The following INTS7 variants were observed in gnomAD, a reference collection of about 807,000 sequenced individuals.
INTS7 encodes chromosome 1 open reading frame 73.
In INTS7, 46 loss-of-function variants were observed where a neutral mutation model predicts 109.2. The observed-to-expected ratio is 0.42, with a 90% CI of 0.33 to 0.54. The LOEUF (loss-of-function observed/expected upper bound fraction) is 0.54, where lower values mean the gene tolerates loss of function less well. Among genes scored for constraint, INTS7 ranks in the 20% least tolerant of loss-of-function variants. The probability of loss-of-function intolerance (pLI) is 0.07; values close to 1 mark genes in which losing one functional copy is unlikely to be tolerated. For missense variants in INTS7, 929 were observed against 1,132.4 expected, an observed-to-expected ratio of 0.82 and a Z score of 2.58; for synonymous variants, 412 against 402.9, an observed-to-expected ratio of 1.02 and a Z score of -0.27.
chr1:211,950,354 C>T (rs1558021722), intron 17 of INTS7, among the ~76,000 whole-genome samples: 1 of 152,178 alleles, frequency 6.6e-6, no homozygotes, highest in African/African-American at 2.4e-5. Context: ...TCACTGCAAC[C>T]TCCGCCTCCC....
chr1:212,027,741 A>G (rs990253129), intron 1 of INTS7, among the ~76,000 whole-genome samples: 3 of 152,212 alleles, frequency 2.0e-5, no homozygotes, highest in African/African-American at 7.2e-5. Flanking sequence ...AAAAATATCT[A>G]TGCTATGGGT....
rs1248777117 is a variant in INTS7, at chr1:212,015,743, A to T, written c.509+1143T>A. On this transcript the variant is annotated intron_variant, in intron 4 of 19. Coordinates refer to ENST00000366994, the MANE Select transcript of INTS7 (RefSeq NM_015434.4). ...AAAAAAAAAAAAAAAAAAAAAAAAAAGTTAACTTTTCAGGATTCAAAAAAT... is the reference window on the plus strand; with the variant it reads ...AAAAAAAAAAAAAAAAAAAAAAAAATGTTAACTTTTCAGGATTCAAAAAAT... Among the ~76,000 whole-genome samples, 6 of 98,954 alleles carry T rather than the reference A, an allele frequency of 6.1e-5. No individual in the cohort carries two copies. In the South Asian group the frequency reaches 2.0e-3, roughly 33 times the overall value. The allele number at this position is 98,954 out of a possible 152,430, so 64.9% of individuals were successfully genotyped here.
At chr1:211,974,272 A>ATATAT (rs1553249472) in intron 13 of INTS7, among the ~76,000 whole-genome samples, 3,933 of 60,836 alleles carry the variant, frequency 0.065, 88 homozygotes, top group Non-Finnish European at 0.08. Context: ...TCCCAGAAAA[A>ATATAT]AAAAATATAT....
intron 8 of INTS7, among the ~76,000 whole-genome samples, chr1:211,987,251 C>G (rs1405343075): frequency 2.0e-5 from 3 of 151,904 alleles, no homozygotes; most frequent in African/African-American, 7.3e-5. Flanking sequence ...AAGCCAAGAT[C>G]CCCCCACTGC....
chr1:211,991,147 A>G (rs1462730108), intron 7 of INTS7, among the ~76,000 whole-genome samples: 1 of 152,252 alleles, frequency 6.6e-6, no homozygotes, highest in African/African-American at 2.4e-5. Flanking sequence ...TCTAGTAACC[A>G]GATTCCATTT....
chr1:212,009,788 G>A (rs532503586), intron 5 of INTS7, among the ~76,000 whole-genome samples: 3 of 152,222 alleles, frequency 2.0e-5, no homozygotes, highest in African/African-American at 7.2e-5. Flanking sequence ...CAATGAATAA[G>A]TGATGCTTCC....
In INTS7 at chr1:211,941,953, A is replaced by C. The variant is rs1178584058; in HGVS notation, c.2760T>G (p.Thr920=). 1 of 1,614,124 alleles carries C rather than the reference A, an allele frequency of 6.2e-7. No homozygotes were observed. Residue 920 remains threonine (T), a synonymous_variant, in exon 20 of 20, where the codon ACT becomes ACG. Transcript: ENST00000366994. ...VKDANGIVWK[T]GPRTTIFVKS... is the part of the protein sequence containing the mutation. ...TTACAAATATGGTAGTTCTGGGACC[A>C]GTCTTCCATACTATACCATTGGCAT...
At chr1:211,956,820 T>G (rs900980205) in intron 16 of INTS7, among the ~76,000 whole-genome samples, 1 of 152,202 alleles carries the variant, frequency 6.6e-6, no homozygotes, top group African/African-American at 2.4e-5. Flanking sequence ...AATTTGTTTA[T>G]CCATTAGCCT....
chr1:211,951,104 A>C lies in INTS7; in HGVS notation c.2316+1465T>G, dbSNP rs566677582. On this transcript the variant is annotated intron_variant, in intron 17 of 19. Transcript: ENST00000366994. ...CTTTAATGACATCCTATTTATTCTA[A>C]AACACTTGATAAAGCATGAAAGTAC... Among the ~76,000 whole-genome samples, 3 of 152,296 alleles carry C rather than the reference A, an allele frequency of 2.0e-5. No individual in the cohort carries two copies. The East Asian group carries it at 5.8e-4, about 29-fold the overall frequency.
chr1:212,018,491 T>C (rs913929206), intron 3 of INTS7, among the ~76,000 whole-genome samples: 4 of 88,176 alleles, frequency 4.5e-5, no homozygotes, highest in Non-Finnish European at 6.5e-5. Flanking sequence ...TTCTTTTCTA[T>C]TATCTTTTGA....
Position 211,952,707 on chromosome 1 carries a change from G to T in INTS7, c.2184-6C>A. The T allele has an allele frequency of 1.2e-6, 2 of 1,610,322 alleles. No homozygotes were observed. The highest frequency in any genetic ancestry group is 1.7e-6 in the Non-Finnish European group (2 of 1,177,664). On this transcript the variant is annotated splice_region_variant and splice_polypyrimidine_tract_variant and intron_variant, in intron 16 of 19. Coordinates refer to ENST00000366994, the MANE Select transcript of INTS7 (RefSeq NM_015434.4). ...TAGATCCATATTCCTGGAAACTGAA[G>T]TAAAGGTCAATATTCATTAATCCAT...
At position 211,940,871 on chromosome 1, in the gene INTS7, T is replaced by C. The variant is rs1466849083; in HGVS notation, c.*953A>G. The C allele has an allele frequency of 1.3e-5, 2 of 152,228 alleles. No homozygotes were observed. Among genetic ancestry groups the C allele is most frequent in the African/African-American group, 4.8e-5 (2 of 41,448 alleles). The allele number at this position is 152,228 out of a possible 1,614,324, so 9.4% of individuals were successfully genotyped here. A position where few individuals can be genotyped will look rare whatever the true frequency, so the allele number is the denominator to read the frequency against. ...CTTCACTTTTGGAAACAATGTGAAA[T>C]GTCTGTATTATACACAGTTGCAGAC... On this transcript the variant is annotated 3_prime_UTR_variant, in exon 20 of 20. Transcript: ENST00000366994.
chr1:211,961,910 G>A (rs1663651454), intron 16 of INTS7, among the ~76,000 whole-genome samples: 1 of 152,128 alleles, frequency 6.6e-6, no homozygotes, highest in South Asian at 2.1e-4. Context: ...GGAAAGACCA[G>A]TCACTACAAA....
intron 7 of INTS7, among the ~76,000 whole-genome samples, chr1:212,001,169 C>G (rs187847823): frequency 6.6e-6 from 1 of 150,662 alleles, no homozygotes; most frequent in African/African-American, 2.4e-5. Flanking sequence ...CGGATTCAAG[C>G]GATTCTCCTG....
At chr1:211,963,621 CA>C in intron 16 of INTS7, among the ~76,000 whole-genome samples, 1 of 152,184 alleles carries the variant, frequency 6.6e-6, no homozygotes, top group Middle Eastern at 3.4e-3. Flanking sequence ...AGCAACAAAT[CA>C]AAAAGCTTAT....
intron 4 of INTS7, among the ~76,000 whole-genome samples, chr1:212,012,975 C>G (rs1049482384): frequency 2.0e-5 from 3 of 152,226 alleles, no homozygotes; most frequent in African/African-American, 7.2e-5. Flanking sequence ...CTATGAAGCA[C>G]TGACACCTTG....
chr1:211,969,043 G>C (rs889929058), intron 13 of INTS7, among the ~76,000 whole-genome samples: 1 of 152,024 alleles, frequency 6.6e-6, no homozygotes, highest in Non-Finnish European at 1.5e-5. Flanking sequence ...CCAGCACTTC[G>C]GGAGGTCGAG....
At chr1:211,992,146 C>G (rs570157005) in intron 7 of INTS7, among the ~76,000 whole-genome samples, 1 of 152,164 alleles carries the variant, frequency 6.6e-6, no homozygotes, top group Non-Finnish European at 1.5e-5. Context: ...CTAAATTGGC[C>G]TGCCTTGTAC....
chr1:211,959,682 C>T lies in INTS7; in HGVS notation c.2183+6748G>A, dbSNP rs527967110. Among the ~76,000 whole-genome samples, 1 of 151,624 alleles carries T rather than the reference C, an allele frequency of 6.6e-6. No individual in the cohort carries two copies. The highest frequency in any genetic ancestry group is 2.4e-5 in the African/African-American group (1 of 41,110). ...GCCATTGCATTTGGAGCTCCTGTGT[C>T]AACATTGCCCTGGGAGTGAAACCAG... On this transcript the variant is annotated intron_variant, in intron 16 of 19. Transcript: ENST00000366994. The surrounding 1 kb of genome is among the most constrained non-coding windows in gnomAD (Gnocchi z 4.2).
Sources: allele counts gnomAD v4.1 joint callset (sites outside exome capture counted in the v4.1 genomes callset), GRCh38; gene constraint gnomAD v4.1.1; non-coding constraint Gnocchi (gnomAD v3.1); transcripts MANE v1.5; gene names NCBI Gene and HGNC (gene_info 2026-07-23, HGNC 2026-07-21).